Variants in PCDH15 observed in about 807,000 individuals in gnomAD.
The protein encoded by PCDH15 is protocadherin-15.
In PCDH15, 129 loss-of-function variants were observed where a neutral mutation model predicts 178.5. That is an observed-to-expected ratio of 0.72 (90% CI 0.63 to 0.84). The LOEUF is 0.84. Ranked by LOEUF, PCDH15 falls within the 40% of genes least tolerant of loss-of-function variation. The pLI, the probability that PCDH15 is intolerant of heterozygous loss-of-function variation, is 0.00. For missense variants in PCDH15, 2,230 were observed against 2,099.9 expected (o/e 1.06, Z -1.21); for synonymous variants, 800 against 732.0 (o/e 1.09, Z -1.50).
At chr10:55,495,661 G>C (rs190513365) in intron 2 of PCDH15, among the ~76,000 whole-genome samples, 40 of 151,776 alleles carry the variant, frequency 2.6e-4, no homozygotes, top group Non-Finnish European at 4.6e-4. Context: ...AAAGATTACA[G>C]GTTCTTTAAG....
At chr10:54,920,485 A>C (rs1837459221) in intron 2 of PCDH15, among the ~76,000 whole-genome samples, 1 of 151,386 alleles carries the variant, frequency 6.6e-6, no homozygotes, top group African/African-American at 2.4e-5. Context: ...AAAAAAAAAA[A>C]AAAAAAAAAA....
chr10:54,868,325 T>C (rs1591753370), intron 3 of PCDH15, among the ~76,000 whole-genome samples: 1 of 152,302 alleles, frequency 6.6e-6, no homozygotes, highest in East Asian at 1.9e-4. Context: ...CATCAGTTGT[T>C]GATGACTACG....
At chr10:55,532,653 A>G (rs1206830464) in intron 2 of PCDH15, among the ~76,000 whole-genome samples, 3 of 152,064 alleles carry the variant, frequency 2.0e-5, no homozygotes, top group Non-Finnish European at 4.4e-5. Context: ...CTGCCTCTGA[A>G]GCCAATGGGC....
chr10:54,879,699 T>TA (rs1954225030), intron 3 of PCDH15, among the ~76,000 whole-genome samples: 1 of 151,214 alleles, frequency 6.6e-6, no homozygotes. Context: ...ATTAATATTT[T>TA]AGTATAAGAT....
rs1033695089 is a variant in PCDH15, at chr10:54,895,796, GT to G, written c.-29+1653del. Among the ~76,000 whole-genome samples, 5 of 151,790 alleles carry G rather than the reference GT, an allele frequency of 3.3e-5. No homozygotes were observed. The South Asian group carries it at 6.2e-4, about 19-fold the overall frequency. ...AAAAGAACAAGCTGAATCAGTCAAG[GT>G]TTTTTTTAGCCATACACGTTAGTCT... is the stretch of plus-strand genomic sequence containing the variant. On this transcript the variant is annotated intron_variant, in intron 3 of 5. Transcript: ENST00000458638.
At chr10:54,448,861 G>T (rs530942912) in intron 3 of PCDH15, among the ~76,000 whole-genome samples, 1 of 151,746 alleles carries the variant, frequency 6.6e-6, no homozygotes, top group Non-Finnish European at 1.5e-5. Flanking sequence ...ATGAATGGAT[G>T]CTTAGTCTTT....
chr10:54,205,161 T>C (rs1037729721), intron 10 of PCDH15, among the ~76,000 whole-genome samples: 5 of 152,106 alleles, frequency 3.3e-5, no homozygotes, highest in African/African-American at 1.2e-4. Context: ...GTCCTGGATA[T>C]GTAGAATCAG....
intron 2 of PCDH15, among the ~76,000 whole-genome samples, chr10:54,626,226 T>TAGAA (rs2093545034): frequency 6.6e-6 from 1 of 152,134 alleles, no homozygotes; most frequent in Admixed American, 6.5e-5. Context: ...AATGATGTGA[T>TAGAA]AGAAAAGAAA....
intron 2 of PCDH15, among the ~76,000 whole-genome samples, chr10:55,434,115 C>T (rs1838968900): frequency 9.7e-6 from 1 of 103,192 alleles, no homozygotes; most frequent in Non-Finnish European, 1.7e-5. Flanking sequence ...GTGTCTCTCT[C>T]TGTCGCCCAG....
intron 26 of PCDH15, among the ~76,000 whole-genome samples, chr10:53,869,321 G>A (rs1564645758): frequency 6.6e-6 from 1 of 152,046 alleles, no homozygotes; most frequent in Non-Finnish European, 1.5e-5. Context: ...TTGAACCACA[G>A]GTTTATAATC....
At chr10:55,008,748 A>G (rs748788286) in intron 2 of PCDH15, among the ~76,000 whole-genome samples, 6 of 152,164 alleles carry the variant, frequency 3.9e-5, no homozygotes, top group Non-Finnish European at 7.3e-5. Context: ...ACTACCTTTC[A>G]TATATTGTCA....
chr10:54,699,165 C>T (rs927930778), intron 1 of PCDH15, among the ~76,000 whole-genome samples: 2 of 152,014 alleles, frequency 1.3e-5, no homozygotes, highest in African/African-American at 4.8e-5. Flanking sequence ...AAACATAATA[C>T]ACCTTAATGA....
rs58866288 is a variant in PCDH15 at position 55,432,082 on chromosome 10, A to AACACACACACACACACACAC, written c.-156+195523_-156+195542dup. On this transcript the variant is annotated intron_variant, in intron 2 of 5. Coordinates refer to the PCDH15 transcript ENST00000613346. ...TTGGGATAGGCAGAGCTATCATTTA[A>AACACACACACACACACACAC]ACACACACACACACACACACACACA... Among the ~76,000 whole-genome samples the AACACACACACACACACACAC allele has an allele frequency of 2.8e-3, 418 of 148,488 alleles. 2 individuals are homozygous for AACACACACACACACACACAC. Among genetic ancestry groups the AACACACACACACACACACAC allele is most frequent in the Non-Finnish European group, 3.9e-3 (264 of 66,856 alleles).
At chr10:54,525,475 A>G (rs2083280123) in intron 3 of PCDH15, among the ~76,000 whole-genome samples, 1 of 152,196 alleles carries the variant, frequency 6.6e-6, no homozygotes, top group Non-Finnish European at 1.5e-5. Flanking sequence ...TTTTTCAGAC[A>G]GGATCTCACT....
chr10:53,851,830 A>G (rs750396097), intron 28 of PCDH15, among the ~76,000 whole-genome samples: 1 of 150,782 alleles, frequency 6.6e-6, no homozygotes, highest in Non-Finnish European at 1.5e-5. Context: ...CCTTAATTCT[A>G]GGAACTATAG....
intron 2 of PCDH15, among the ~76,000 whole-genome samples, chr10:55,377,932 T>C (rs535771724): frequency 6.6e-6 from 1 of 152,174 alleles, no homozygotes; most frequent in East Asian, 1.9e-4. Context: ...CTGGAAACCA[T>C]CACTCTCAGC....
rs1554838367 is a variant in PCDH15, at chr10:53,871,480, GTA to G, written c.3502-4625_3502-4624del. Reference sequence around the variant, plus strand: ...TGTGTGTGTGTGTGTGTGTGTGTGTGTATATACACAAAAATATAAATATGACC... The same window carrying G: ...TGTGTGTGTGTGTGTGTGTGTGTGTGTATACACAAAAATATAAATATGACC... On this transcript the variant is annotated intron_variant, in intron 26 of 37. Coordinates refer to ENST00000644397, the MANE Select transcript of PCDH15 (RefSeq NM_001384140.1). 2.5e-3 allele frequency among the ~76,000 whole-genome samples: 380 copies of G among 150,238 alleles called. 2 individuals carry two copies. Among genetic ancestry groups the G allele is most frequent in the African/African-American group, 8.6e-3 (351 of 40,606 alleles).
intron 29 of PCDH15, among the ~76,000 whole-genome samples, chr10:53,834,734 C>T (rs552043035): frequency 6.6e-6 from 1 of 152,226 alleles, no homozygotes; most frequent in East Asian, 1.9e-4. Flanking sequence ...TTTCTGCCTC[C>T]ATTGATGGAT....
chr10:54,415,454 A>G (rs1012808658), intron 3 of PCDH15, among the ~76,000 whole-genome samples: 6 of 152,090 alleles, frequency 3.9e-5, no homozygotes, highest in African/African-American at 1.4e-4. Flanking sequence ...AAGAGAAGAA[A>G]AAAAGGTAGA....
Sources: allele counts gnomAD v4.1 joint callset (sites outside exome capture counted in the v4.1 genomes callset), GRCh38; gene constraint gnomAD v4.1.1; transcripts MANE v1.5; gene names NCBI Gene and HGNC (gene_info 2026-07-23, HGNC 2026-07-21).